Variants in TNFSF4 observed in about 807,000 individuals in gnomAD.
TNFSF4 encodes tumor necrosis factor ligand superfamily member 4.
Under a neutral mutation model 7.3 loss-of-function variants are expected in TNFSF4, and 4 were observed. That is an observed-to-expected ratio of 0.55 (90% CI 0.27 to 1.25). TNFSF4 has a LOEUF of 1.25. Among genes scored for constraint, TNFSF4 ranks in the 50% most tolerant of loss-of-function variants. The pLI, the probability that TNFSF4 is intolerant of heterozygous loss-of-function variation, is 0.12. For synonymous variants in TNFSF4, 76 were observed against 83.7 expected, an observed-to-expected ratio of 0.91 and a Z score of 0.50; for missense variants, 181 against 208.8, an observed-to-expected ratio of 0.87 and a Z score of 0.82.
chr1:173,449,465 C>T, the TNFSF4 span, among the ~76,000 whole-genome samples: 1 of 151,864 alleles, frequency 6.6e-6, no homozygotes, highest in African/African-American at 2.4e-5. Flanking sequence ...AGAATCCTCC[C>T]ACCTTAGTCT....
chr1:173,287,356 T>C, the TNFSF4 span, among the ~76,000 whole-genome samples: 1 of 152,060 alleles, frequency 6.6e-6, no homozygotes, highest in East Asian at 1.9e-4. Flanking sequence ...AAATAATTTT[T>C]AAAAACCACA....
chr1:173,355,366 G>A, the TNFSF4 span, among the ~76,000 whole-genome samples: 2,789 of 152,004 alleles, frequency 0.018, 32 homozygotes, highest in Non-Finnish European at 0.024. Context: ...TTGCGGGGTC[G>A]GGGAGCATTA....
At chr1:173,195,668 A>AC (rs1649667585) in intron 1 of TNFSF4, among the ~76,000 whole-genome samples, 1 of 152,146 alleles carries the variant, frequency 6.6e-6, no homozygotes, top group African/African-American at 2.4e-5. Context: ...TCGACCTTAA[A>AC]CCCATTTGAC....
chr1:173,193,731 G>C (rs565274524), intron 1 of TNFSF4, among the ~76,000 whole-genome samples: 13 of 148,280 alleles, frequency 8.8e-5, no homozygotes, highest in Non-Finnish European at 1.9e-4. Flanking sequence ...CACACTCCAG[G>C]CTTCCCTCTT....
the TNFSF4 span, among the ~76,000 whole-genome samples, chr1:173,379,959 T>C: frequency 2.0e-5 from 3 of 152,272 alleles, no homozygotes; most frequent in Middle Eastern, 6.8e-3. Context: ...AACAACAGGA[T>C]TGAGTGTGCC....
chr1:173,264,200 A>G, the TNFSF4 span, among the ~76,000 whole-genome samples: 1 of 152,228 alleles, frequency 6.6e-6, no homozygotes, highest in African/African-American at 2.4e-5. Flanking sequence ...CTGAAGTACA[A>G]TGGCATGAGT....
At chr1:173,211,031 A>G (rs1650359348), upstream of TNFSF4, among the ~76,000 whole-genome samples, 1 of 152,224 alleles carries the variant, frequency 6.6e-6, no homozygotes, top group African/African-American at 2.4e-5. Context: ...ACACACAAAG[A>G]CAGTGGTATA....
the TNFSF4 span, among the ~76,000 whole-genome samples, chr1:173,246,981 A>G: frequency 6.6e-6 from 1 of 151,710 alleles, no homozygotes; most frequent in East Asian, 1.9e-4. Flanking sequence ...TTTTTTTCCT[A>G]TTTCTATAGT....
the TNFSF4 span, among the ~76,000 whole-genome samples, chr1:173,293,648 C>T: frequency 0.026 from 4,009 of 152,108 alleles, 160 homozygotes; most frequent in African/African-American, 0.092. Context: ...AGCTTCTGCA[C>T]AGCAAAAGAA....
the TNFSF4 span, among the ~76,000 whole-genome samples, chr1:173,357,453 A>G: frequency 6.6e-6 from 1 of 152,206 alleles, no homozygotes; most frequent in Admixed American, 6.5e-5. Flanking sequence ...GAAAGTGAGA[A>G]CCAGGAGAAT....
chr1:173,401,234 A>C, the TNFSF4 span, among the ~76,000 whole-genome samples: 1 of 152,236 alleles, frequency 6.6e-6, no homozygotes, highest in Non-Finnish European at 1.5e-5. Context: ...ACAGGATAGT[A>C]ATATCATGTG....
chr1:173,344,264 C>A, the TNFSF4 span, among the ~76,000 whole-genome samples: 1 of 152,164 alleles, frequency 6.6e-6, no homozygotes, highest in Non-Finnish European at 1.5e-5. Flanking sequence ...CAGTAAATAG[C>A]ACCTGCAGAA....
At chr1:173,266,681 G>A in the TNFSF4 span, among the ~76,000 whole-genome samples, 3 of 152,064 alleles carry the variant, frequency 2.0e-5, no homozygotes, top group Admixed American at 1.3e-4. Context: ...TAGACTCCTT[G>A]ATGGTCACAT....
the TNFSF4 span, among the ~76,000 whole-genome samples, chr1:173,303,035 C>T: frequency 2.6e-5 from 4 of 151,778 alleles, no homozygotes; most frequent in South Asian, 2.1e-4. Flanking sequence ...ACATGAAAAG[C>T]GGCTGGACAG....
the TNFSF4 span, among the ~76,000 whole-genome samples, chr1:173,321,810 G>C: frequency 9.9e-5 from 15 of 152,234 alleles, no homozygotes; most frequent in Non-Finnish European, 2.2e-4. Flanking sequence ...AAAAAGTCAG[G>C]AAATGAGATG....
the TNFSF4 span, among the ~76,000 whole-genome samples, chr1:173,308,452 T>C: frequency 6.6e-6 from 1 of 151,860 alleles, no homozygotes; most frequent in East Asian, 1.9e-4. Context: ...TTGTTGTTTG[T>C]GTATGGTGGG....
At chr1:173,216,754 A>T in the TNFSF4 span, among the ~76,000 whole-genome samples, 1 of 152,124 alleles carries the variant, frequency 6.6e-6, no homozygotes, top group Non-Finnish European at 1.5e-5. Context: ...TCTCACACAT[A>T]CACAAACACA....
the TNFSF4 span, among the ~76,000 whole-genome samples, chr1:173,308,843 C>A: frequency 6.6e-6 from 1 of 151,884 alleles, no homozygotes; most frequent in African/African-American, 2.4e-5. Flanking sequence ...TAACATATGG[C>A]GTCCTCATAA....
At chr1:173,320,464 G>A in the TNFSF4 span, among the ~76,000 whole-genome samples, 1 of 152,122 alleles carries the variant, frequency 6.6e-6, no homozygotes, top group Non-Finnish European at 1.5e-5. Context: ...CATAGTATTG[G>A]AAGTTCTGGC....
Sources: gnomAD v4.1 joint callset for allele counts (sites outside exome capture counted in the v4.1 genomes callset) on GRCh38, gnomAD v4.1.1 for gene constraint, MANE v1.5 for transcripts, NCBI Gene and HGNC (gene_info 2026-07-23, HGNC 2026-07-21) for gene names.